NKIRAS1: variants seen among roughly 807,000 people sequenced by gnomAD.
NKIRAS1 encodes NF-kappa-B inhibitor-interacting Ras-like protein 1.
Under a neutral mutation model 19.8 loss-of-function variants are expected in NKIRAS1, and 16 were observed. The observed-to-expected ratio is 0.81, with a 90% CI of 0.55 to 1.23. The LOEUF (loss-of-function observed/expected upper bound fraction) is 1.23. Among genes scored for constraint, NKIRAS1 ranks in the 50% most tolerant of loss-of-function variants. The pLI is 0.00. For missense variants in NKIRAS1, 184 were observed against 220.0 expected, an observed-to-expected ratio of 0.84 and a Z score of 1.04; for synonymous variants, 88 against 79.0, an observed-to-expected ratio of 1.11 and a Z score of -0.61.
chr3:23,921,707 C>T (rs1311016091), upstream of NKIRAS1: 1 of 652,122 alleles, frequency 1.5e-6, no homozygotes, highest in South Asian at 1.7e-5. Context: ...CCCAAATAGC[C>T]AGGACTACAG....
chr3:23,898,173 G>A (rs866953306), intron 4 of NKIRAS1, among the ~76,000 whole-genome samples: 18 of 152,170 alleles, frequency 1.2e-4, no homozygotes, highest in Admixed American at 2.6e-4. Flanking sequence ...TGGGAAATAC[G>A]GGGGAGAGGA....
rs567312526 is a variant in NKIRAS1, at chr3:23,940,035, T to C, written c.-140+6288A>G. ...TATTTCATTTTAACTAATTTAAATTTAAATTTAAAAACTGACCGGGTGCGT... is the reference window on the plus strand; with the variant it reads ...TATTTCATTTTAACTAATTTAAATTCAAATTTAAAAACTGACCGGGTGCGT... On this transcript the variant is annotated intron_variant, in intron 1 of 4. Transcript: ENST00000421515. Among the ~76,000 whole-genome samples the C allele has an allele frequency of 2.6e-5, 4 of 152,036 alleles. No homozygotes were observed. In the East Asian group the frequency reaches 7.7e-4, roughly 29 times the overall value.
intron 1 of NKIRAS1, among the ~76,000 whole-genome samples, chr3:23,934,843 AACTTACAGAG>A (rs11279608): frequency 0.049 from 7,152 of 144,898 alleles, 210 homozygotes; most frequent in Admixed American, 0.091. Flanking sequence ...GAAAAAAAAA[AACTTACAGAG>A]AATATCAGAA....
intron 4 of NKIRAS1, among the ~76,000 whole-genome samples, chr3:23,893,965 G>A (rs1701713074): frequency 1.0e-5 from 1 of 97,232 alleles, no homozygotes; most frequent in Non-Finnish European, 2.3e-5. Flanking sequence ...CTTGATGTAT[G>A]AGAGATTTGC....
At chr3:23,937,784 A>AT (rs993495236) in intron 1 of NKIRAS1, among the ~76,000 whole-genome samples, 2 of 151,952 alleles carry the variant, frequency 1.3e-5, no homozygotes, top group Non-Finnish European at 2.9e-5. Context: ...GGCATTAGAT[A>AT]TTTTTTCCAC....
chr3:23,942,795 C>G (rs1409330068), intron 1 of NKIRAS1, among the ~76,000 whole-genome samples: 1 of 152,060 alleles, frequency 6.6e-6, no homozygotes, highest in Non-Finnish European at 1.5e-5. Context: ...GTCACCCAGA[C>G]TGGAATGCAC....
At chr3:23,905,752 G>A (rs935669394) in intron 3 of NKIRAS1, among the ~76,000 whole-genome samples, 38 of 145,440 alleles carry the variant, frequency 2.6e-4, no homozygotes, top group African/African-American at 9.1e-4. Context: ...CTGTTCTACT[G>A]TACAACCTTT....
chr3:23,910,156 C>CT (rs34240932), intron 3 of NKIRAS1, among the ~76,000 whole-genome samples: 23,147 of 96,482 alleles, frequency 0.24, 3,382 homozygotes, highest in African/African-American at 0.34. Context: ...TGCGCTCGGC[C>CT]TTTTTTTTTT....
chr3:23,944,996 G>A (rs956028711), intron 1 of NKIRAS1, among the ~76,000 whole-genome samples: 1 of 151,994 alleles, frequency 6.6e-6, no homozygotes, highest in Admixed American at 6.5e-5. Context: ...CCAGAGGCGG[G>A]AAAGGCAGCC....
chr3:23,912,649 T>C (rs953052300), intron 1 of NKIRAS1, among the ~76,000 whole-genome samples: 1 of 152,170 alleles, frequency 6.6e-6, no homozygotes, highest in African/African-American at 2.4e-5. Context: ...CTCAAAGATC[T>C]AGAACTAGAA....
chr3:23,916,434 T>C (rs142560508), intron 1 of NKIRAS1: 1 of 152,240 alleles, frequency 6.6e-6, no homozygotes, highest in Non-Finnish European at 1.5e-5. Context: ...GTGGTTCTCA[T>C]GTTAGCAAAT....
In NKIRAS1 at chr3:23,893,047, C is replaced by CTTT. The variant is rs768934599; in HGVS notation, c.*47_*48insAAA. 1 of 1,504,890 alleles carries CTTT rather than the reference C, an allele frequency of 6.6e-7. No homozygotes were observed. Among genetic ancestry groups the CTTT allele is most frequent in the East Asian group, 2.3e-5 (1 of 43,364 alleles). The allele number at this position is 1,504,890 out of a possible 1,614,324, so 93.2% of individuals were successfully genotyped here. ...TAATATTACTCCATGTTCACAGACA[C>CTTT]TTAAAGGCAATCACTATTCAACATA... On this transcript the variant is annotated 3_prime_UTR_variant, in exon 5 of 5. Transcript: ENST00000425478.
upstream of NKIRAS1, chr3:23,919,161 G>C (rs1704926478): frequency 6.9e-7 from 1 of 1,445,746 alleles, no homozygotes. Flanking sequence ...TAGGCAATGT[G>C]GGAGATTGAC....
chr3:23,898,442 A>T (rs1702192292), intron 4 of NKIRAS1, among the ~76,000 whole-genome samples: 1 of 139,680 alleles, frequency 7.2e-6, no homozygotes, highest in African/African-American at 2.6e-5. Context: ...ATATTGTATG[A>T]TTTTTTTTTT....
intron 1 of NKIRAS1, among the ~76,000 whole-genome samples, chr3:23,929,250 G>A (rs1459373024): frequency 2.0e-5 from 3 of 151,516 alleles, no homozygotes; most frequent in Admixed American, 6.6e-5. Context: ...TGTAATCCCA[G>A]CTACTCTGGA....
chr3:23,942,752 CT>C (rs891680628), intron 1 of NKIRAS1, among the ~76,000 whole-genome samples: 4 of 149,892 alleles, frequency 2.7e-5, no homozygotes, highest in Non-Finnish European at 5.9e-5. Flanking sequence ...GGATACACTT[CT>C]TTTTTTTTTC....
At chr3:23,930,005 C>T (rs1278759904) in intron 1 of NKIRAS1, among the ~76,000 whole-genome samples, 1 of 151,958 alleles carries the variant, frequency 6.6e-6, no homozygotes, top group Non-Finnish European at 1.5e-5. Context: ...AATGGATAAT[C>T]TGGACAAACA....
At position 23,922,915 on chromosome 3, in the gene NKIRAS1, C is replaced by A. The variant is rs980726382; in HGVS notation, c.-139-11465G>T. 2.0e-5 allele frequency: 3 copies of A among 152,164 alleles called. No individual in the cohort carries two copies. Among genetic ancestry groups the A allele is most frequent in the Non-Finnish European group, 4.4e-5 (3 of 68,104 alleles). 9.4% of individuals were successfully genotyped at this position (152,164 alleles called of 1,614,324 possible). On this transcript the variant is annotated intron_variant, in intron 1 of 4. Transcript: ENST00000421515. This position sits in a 1 kb window ranked among gnomAD's most constrained non-coding sequence, Gnocchi z 4.2. ...AACCTCCTGGCTCAAGCAATCCTCC[C>A]ACCTCAGCCTGTCGAGTAGCTGGAA...
In NKIRAS1 at chr3:23,922,941, C is replaced by G. The variant is rs958528339; in HGVS notation, c.-139-11491G>C. 8 of 152,162 alleles carry G rather than the reference C, an allele frequency of 5.3e-5. No homozygotes were observed. The highest frequency in any genetic ancestry group is 1.9e-4 in the African/African-American group (8 of 41,350). 9.4% of individuals were successfully genotyped at this position (152,162 alleles called of 1,614,324 possible). A position where few individuals can be genotyped will look rare whatever the true frequency, so the allele number is the denominator to read the frequency against. ...ACCTCAGCCTGTCGAGTAGCTGGAA[C>G]CACAGGTGCACACCACCATGCCAGG... On this transcript the variant is annotated intron_variant, in intron 1 of 4. Transcript: ENST00000421515. The surrounding 1 kb of genome is among the most constrained non-coding windows in gnomAD (Gnocchi z 4.2).
Sources: gnomAD v4.1 joint callset for allele counts (sites outside exome capture counted in the v4.1 genomes callset) on GRCh38, gnomAD v4.1.1 for gene constraint, Gnocchi (gnomAD v3.1) non-coding constraint, MANE v1.5 for transcripts, NCBI Gene and HGNC (gene_info 2026-07-23, HGNC 2026-07-21) for gene names.